ALDH1L2: variants seen among roughly 807,000 people sequenced by gnomAD.
ALDH1L2 encodes mitochondrial 10-formyltetrahydrofolate dehydrogenase.
A neutral mutation model predicts 111.0 loss-of-function variants in ALDH1L2; 91 were observed. The ratio of observed to expected loss-of-function variants is 0.82; its 90% CI spans 0.69 to 0.98. ALDH1L2 has a LOEUF of 0.98. Ranked by LOEUF, ALDH1L2 falls within the 50% of genes least tolerant of loss-of-function variation. The pLI is 0.00. For synonymous variants in ALDH1L2, 374 were observed against 392.6 expected, an observed-to-expected ratio of 0.95 and a Z score of 0.56; for missense variants, 995 against 1,126.8, an observed-to-expected ratio of 0.88 and a Z score of 1.67.
chr12:105,037,004 A>G (rs1176767294), intron 18 of ALDH1L2, among the ~76,000 whole-genome samples: 2 of 152,200 alleles, frequency 1.3e-5, no homozygotes, highest in Admixed American at 1.3e-4. Flanking sequence ...TGCTTACATG[A>G]TGAAGTTTGG....
intron 19 of ALDH1L2, among the ~76,000 whole-genome samples, chr12:105,033,076 C>G (rs530089698): frequency 6.6e-6 from 1 of 152,190 alleles, no homozygotes; most frequent in East Asian, 1.9e-4. Context: ...CCCAGCAGGT[C>G]CATGACTTTG....
intron 9 of ALDH1L2, among the ~76,000 whole-genome samples, chr12:105,060,035 G>GA (rs1436038245): frequency 6.6e-6 from 1 of 152,150 alleles, no homozygotes; most frequent in African/African-American, 2.4e-5. Context: ...TGCGATAGAG[G>GA]CTTTCTGGGA....
chr12:105,080,440 T>A (rs946750119), intron 1 of ALDH1L2, among the ~76,000 whole-genome samples: 1 of 152,210 alleles, frequency 6.6e-6, no homozygotes, highest in African/African-American at 2.4e-5. Flanking sequence ...ATTCTTTTCC[T>A]AAAAACATAG....
At chr12:105,055,667 G>A (rs1242827713) in intron 10 of ALDH1L2, among the ~76,000 whole-genome samples, 1 of 147,636 alleles carries the variant, frequency 6.8e-6, no homozygotes, top group Non-Finnish European at 1.5e-5. Context: ...ATGAACTAAA[G>A]GAAACCATGT....
intron 13 of ALDH1L2, 115 bp downstream of exon 13, chr12:105,049,793 C>T: frequency 8.2e-7 from 1 of 1,216,474 alleles, no homozygotes; most frequent in Non-Finnish European, 1.1e-6. Flanking sequence ...TTGAGACAAC[C>T]CTGTTATGTT....
At chr12:105,064,228 C>T (rs1877210977) in intron 6 of ALDH1L2, among the ~76,000 whole-genome samples, 1 of 149,356 alleles carries the variant, frequency 6.7e-6, no homozygotes, top group South Asian at 2.1e-4. Flanking sequence ...GTAATCCTCC[C>T]ACCTCGGCCT....
rs183938595 is a variant in ALDH1L2 at position 105,081,127 on chromosome 12, A to T, written c.48+3262T>A. On this transcript the variant is annotated intron_variant, in intron 1 of 22. Coordinates refer to ENST00000258494, the MANE Select transcript of ALDH1L2 (RefSeq NM_001034173.4). Reference sequence around the variant, plus strand: ...GTTATATACAAATATTACCCGTTTTATATAAGGGACTTGAACATCTTCAGA... The same window carrying T: ...GTTATATACAAATATTACCCGTTTTTTATAAGGGACTTGAACATCTTCAGA... Among the ~76,000 whole-genome samples, 8 of 152,340 alleles carry T rather than the reference A, an allele frequency of 5.3e-5. No homozygotes were observed. In the South Asian group the frequency reaches 1.7e-3, roughly 32 times the overall value.
intron 17 of ALDH1L2, among the ~76,000 whole-genome samples, chr12:105,038,652 T>C (rs1324601969): frequency 6.6e-6 from 1 of 152,006 alleles, no homozygotes; most frequent in Non-Finnish European, 1.5e-5. Context: ...GTGACAGTGT[T>C]AGACCGTGTC....
At chr12:105,074,048 G>A (rs1222465227) in intron 1 of ALDH1L2, 43 bp from the exon 2 acceptor site, 1 of 1,611,326 alleles carries the variant, frequency 6.2e-7, no homozygotes. Flanking sequence ...ATGGATAGAA[G>A]ACACTGGATG....
At position 105,022,107 on chromosome 12, in the gene ALDH1L2, A is replaced by G; in HGVS notation, c.*2317T>C. 6.6e-6 allele frequency: 1 copy of G among 152,226 alleles called. No individual in the cohort carries two copies. Among genetic ancestry groups the G allele is most frequent in the East Asian group, 1.9e-4 (1 of 5,200 alleles). 9.4% of individuals were successfully genotyped at this position (152,226 alleles called of 1,614,324 possible). A position where few individuals can be genotyped will look rare whatever the true frequency, so the allele number is the denominator to read the frequency against. ...TTTTATTACTCTATGTGTTAAGTAA[A>G]TCACCTAGCAGGCTGGGGAGGGTGA... On this transcript the variant is annotated 3_prime_UTR_variant, in exon 23 of 23. Transcript: ENST00000258494.
chr12:105,041,043 G>T (rs1366104850), intron 15 of ALDH1L2, among the ~76,000 whole-genome samples: 1 of 152,142 alleles, frequency 6.6e-6, no homozygotes, highest in Non-Finnish European at 1.5e-5. Context: ...ATACTTCTGT[G>T]TGCATTTTCT....
At chr12:105,029,796 G>T (rs1290402021) in intron 21 of ALDH1L2, among the ~76,000 whole-genome samples, 1 of 152,042 alleles carries the variant, frequency 6.6e-6, no homozygotes, top group Non-Finnish European at 1.5e-5. Context: ...TATGAGCTCA[G>T]TTAGCACTTG....
At chr12:105,026,454 CT>C in intron 22 of ALDH1L2, 90 bp downstream of exon 22, 1 of 1,483,170 alleles carries the variant, frequency 6.7e-7, no homozygotes, top group South Asian at 1.2e-5. Context: ...GGAAATGCCC[CT>C]CAAAGTCACA....
At chr12:105,030,494 C>G in intron 20 of ALDH1L2, 65 bp from the exon 21 acceptor site, 1 of 1,346,526 alleles carries the variant, frequency 7.4e-7, no homozygotes, top group South Asian at 1.4e-5. Flanking sequence ...TAATAGTCCT[C>G]TCACTTAATT....
At chr12:105,040,130 A>G (rs1291783996) in intron 16 of ALDH1L2, among the ~76,000 whole-genome samples, 11 of 140,174 alleles carry the variant, frequency 7.8e-5, no homozygotes, top group Admixed American at 2.1e-4. Context: ...CGTCTCAAAA[A>G]AAAAAAAAAA....
At chr12:105,041,654 A>G (rs1158466037) in intron 15 of ALDH1L2, among the ~76,000 whole-genome samples, 1 of 152,178 alleles carries the variant, frequency 6.6e-6, no homozygotes, top group African/African-American at 2.4e-5. Flanking sequence ...TGATTTTCCA[A>G]TTCCCTCATT....
At chr12:105,032,681 C>T (rs1874773979) in intron 19 of ALDH1L2, among the ~76,000 whole-genome samples, 2 of 152,178 alleles carry the variant, frequency 1.3e-5, no homozygotes, top group Non-Finnish European at 2.9e-5. Flanking sequence ...AGTCCTTAAC[C>T]ACTATCTACT....
rs1246423010 is a variant in ALDH1L2 at position 105,019,823 on chromosome 12, A to G, written c.*4601T>C. ...ATTGTGTTTATTGGCATAGATGCTT[A>G]TGATATATTGTTAATTGAAAAAGCA... is the stretch of plus-strand genomic sequence containing the variant. On this transcript the variant is annotated 3_prime_UTR_variant, in exon 23 of 23. Transcript: ENST00000258494. 6.6e-6 allele frequency: 1 copy of G among 152,244 alleles called. No individual in the cohort carries two copies. The highest frequency in any genetic ancestry group is 1.5e-5 in the Non-Finnish European group (1 of 68,046). 9.4% of individuals were successfully genotyped at this position (152,244 alleles called of 1,614,324 possible). A position where few individuals can be genotyped will look rare whatever the true frequency, so the allele number is the denominator to read the frequency against.
chr12:105,026,858 T>G (rs1369726032), intron 21 of ALDH1L2, 114 bp from the exon 22 acceptor site: 1 of 1,286,914 alleles, frequency 7.8e-7, no homozygotes, highest in African/African-American at 1.5e-5. Flanking sequence ...TGCCATCTGC[T>G]TAAATGTTTT....
Sources: gnomAD v4.1 joint callset for allele counts (sites outside exome capture counted in the v4.1 genomes callset) on GRCh38, gnomAD v4.1.1 for gene constraint, MANE v1.5 for transcripts, NCBI Gene and HGNC (gene_info 2026-07-23, HGNC 2026-07-21) for gene names.